The following UBE2W variants were observed in gnomAD, a reference collection of about 807,000 sequenced individuals.
UBE2W encodes the protein ubiquitin conjugating enzyme E2 W.
In UBE2W, 18 loss-of-function variants were observed where a neutral mutation model predicts 27.2. That is an observed-to-expected ratio of 0.66 (90% CI 0.46 to 0.98). UBE2W has a LOEUF of 0.98. Ranked by LOEUF, UBE2W falls within the 50% of genes least tolerant of loss-of-function variation. The probability of loss-of-function intolerance (pLI) is 0.00; values close to 1 mark genes in which losing one functional copy is unlikely to be tolerated. For synonymous variants in UBE2W, 53 were observed against 57.2 expected, an observed-to-expected ratio of 0.93 and a Z score of 0.33; for missense variants, 90 against 180.2, an observed-to-expected ratio of 0.50 and a Z score of 2.87.
At chr8:73,855,964 T>G (rs1247773126) in intron 1 of UBE2W, among the ~76,000 whole-genome samples, 1 of 152,238 alleles carries the variant, frequency 6.6e-6, no homozygotes, top group Non-Finnish European at 1.5e-5. Context: ...TTCAATCATG[T>G]ATCTGTAATT....
intron 1 of UBE2W, among the ~76,000 whole-genome samples, chr8:73,869,806 G>T (rs1013370689): frequency 2.0e-5 from 3 of 152,214 alleles, no homozygotes; most frequent in African/African-American, 4.8e-5. Flanking sequence ...AGAGGTTGCA[G>T]TGAGCCTATT....
intron 1 of UBE2W, among the ~76,000 whole-genome samples, chr8:73,833,088 G>A (rs560872893): frequency 5.3e-5 from 8 of 150,666 alleles, no homozygotes; most frequent in South Asian, 4.2e-4. Context: ...AACAGGCAGA[G>A]GCAGAAGAAT....
chr8:73,813,240 A>C (rs1272944817), intron 3 of UBE2W, among the ~76,000 whole-genome samples: 1 of 152,150 alleles, frequency 6.6e-6, no homozygotes, highest in Non-Finnish European at 1.5e-5. Context: ...ATTTTTCCTA[A>C]AGAGAAATGG....
At chr8:73,821,867 A>C (rs2130893247) in intron 3 of UBE2W, among the ~76,000 whole-genome samples, 1 of 152,124 alleles carries the variant, frequency 6.6e-6, no homozygotes, top group Middle Eastern at 3.4e-3. Flanking sequence ...TGGGTGTGCC[A>C]TCAGATGGCC....
At chr8:73,841,257 A>G (rs1287820705) in intron 1 of UBE2W, among the ~76,000 whole-genome samples, 1 of 152,196 alleles carries the variant, frequency 6.6e-6, no homozygotes, top group Non-Finnish European at 1.5e-5. Context: ...TTCTCCTTTC[A>G]GAGGGAAATG....
rs773200222 is a variant in UBE2W at position 73,780,556 on chromosome 8, C to A, written c.430-39G>T. 76 of 447,884 alleles carry A rather than the reference C, an allele frequency of 1.7e-4. 1 individual carries two copies. Among genetic ancestry groups the A allele is most frequent in the South Asian group, 1.2e-3 (73 of 62,702 alleles). 27.7% of individuals were successfully genotyped at this position (447,884 alleles called of 1,614,324 possible). A position where few individuals can be genotyped will look rare whatever the true frequency, so the allele number is the denominator to read the frequency against. On this transcript the variant is annotated intron_variant, in intron 4 of 4. Coordinates refer to the UBE2W transcript ENST00000523278. ...TTATTTATTTATTTATTTTTTGAGA[C>A]AGTATGTCACTCTATCTCCAGGCTG...
intron 1 of UBE2W, among the ~76,000 whole-genome samples, chr8:73,865,737 C>T (rs901378949): frequency 1.3e-5 from 2 of 152,102 alleles, no homozygotes; most frequent in African/African-American, 2.4e-5. Flanking sequence ...ACCTATTACT[C>T]GATTTCCTTA....
intron 1 of UBE2W, among the ~76,000 whole-genome samples, chr8:73,839,083 T>C (rs892496276): frequency 1.3e-5 from 2 of 152,188 alleles, no homozygotes; most frequent in East Asian, 1.9e-4. Flanking sequence ...ATTCTTTCCT[T>C]GCTTTGTGCA....
rs1416071118 is a variant in UBE2W at position 73,791,354 on chromosome 8, G to C, written c.*2748C>G. The C allele has an allele frequency of 1.2e-5, 12 of 983,306 alleles. No individual in the cohort carries two copies. Among genetic ancestry groups the C allele is most frequent in the Non-Finnish European group, 1.4e-5 (12 of 829,406 alleles). The allele number at this position is 983,306 out of a possible 1,614,324, so 60.9% of individuals were successfully genotyped here. A position where few individuals can be genotyped will look rare whatever the true frequency, so the allele number is the denominator to read the frequency against. On this transcript the variant is annotated 3_prime_UTR_variant, in exon 6 of 6. Transcript: ENST00000602593. ...ATGTATCACTGTCTTAATAGAATTT[G>C]GCAAACCAGAAGAATGGCCTAAAAA...
At chr8:73,801,773 C>G (rs970160053) in intron 5 of UBE2W, among the ~76,000 whole-genome samples, 2 of 152,162 alleles carry the variant, frequency 1.3e-5, no homozygotes, top group African/African-American at 4.8e-5. Flanking sequence ...AGAATTAGGC[C>G]TGTTAATTAA....
At chr8:73,801,527 T>G (rs1293470698) in intron 5 of UBE2W, among the ~76,000 whole-genome samples, 1 of 152,226 alleles carries the variant, frequency 6.6e-6, no homozygotes, top group East Asian at 1.9e-4. Context: ...TGAGATTGAA[T>G]CTATCTGAAC....
In UBE2W at chr8:73,805,439, A is replaced by G. The variant is rs190580400; in HGVS notation, c.442+212T>C. Reference sequence around the variant, plus strand: ...ATTGCACTCCAGCCTGGGCAACAAGAGCAAAACTCCATCTCAAAAAAAAAA... The same window carrying G: ...ATTGCACTCCAGCCTGGGCAACAAGGGCAAAACTCCATCTCAAAAAAAAAA... On this transcript the variant is annotated intron_variant, in intron 5 of 5. Transcript: ENST00000602593. Among the ~76,000 whole-genome samples, 845 of 133,480 alleles carry G rather than the reference A, an allele frequency of 6.3e-3. 21 individuals are homozygous for G. The highest frequency in any genetic ancestry group is 0.023 in the African/African-American group (814 of 35,830). 87.6% of individuals were successfully genotyped at this position (133,480 alleles called of 152,430 possible).
chr8:73,823,126 G>T (rs967184708), intron 3 of UBE2W, among the ~76,000 whole-genome samples: 2 of 152,044 alleles, frequency 1.3e-5, no homozygotes, highest in Non-Finnish European at 2.9e-5. Flanking sequence ...AGTGAGAAGA[G>T]TAACACAGTG....
In UBE2W at chr8:73,867,016, A is replaced by C. The variant is rs1038750796; in HGVS notation, c.15+11792T>G. 9.2e-5 allele frequency among the ~76,000 whole-genome samples: 14 copies of C among 152,126 alleles called. 1 individual carries two copies. Among genetic ancestry groups the C allele is most frequent in the African/African-American group, 3.4e-4 (14 of 41,526 alleles). On this transcript the variant is annotated intron_variant, in intron 1 of 5. Transcript: ENST00000602593. ...GAGGCTCCGTCCCAAAAAAAAAAAAAAGAGGAAATTTTTGTGAATGTAATA... is the reference window on the plus strand; with the variant it reads ...GAGGCTCCGTCCCAAAAAAAAAAAACAGAGGAAATTTTTGTGAATGTAATA...
intron 3 of UBE2W, among the ~76,000 whole-genome samples, chr8:73,817,661 G>A (rs557289499): frequency 4.6e-5 from 7 of 152,190 alleles, no homozygotes; most frequent in African/African-American, 1.7e-4. Flanking sequence ...GGGACTACAG[G>A]TGCACACCAC....
rs568676573 is a variant in UBE2W at position 73,786,445 on chromosome 8, G to C, written c.*7657C>G. On this transcript the variant is annotated 3_prime_UTR_variant, in exon 6 of 6. Coordinates refer to ENST00000602593, the MANE Select transcript of UBE2W (RefSeq NM_018299.6). ...TATGTGCTACAGGTACTGTATACTA[G>C]GTACTGTGTGCTACGTGCTGGGGAC... 6.1e-6 allele frequency: 6 copies of C among 984,846 alleles called. No individual in the cohort carries two copies. The highest frequency in any genetic ancestry group is 7.2e-6 in the Non-Finnish European group (6 of 829,424). The allele number at this position is 984,846 out of a possible 1,614,324, so 61.0% of individuals were successfully genotyped here. A position where few individuals can be genotyped will look rare whatever the true frequency, so the allele number is the denominator to read the frequency against.
chr8:73,870,810 A>G (rs1165756627), intron 1 of UBE2W, among the ~76,000 whole-genome samples: 1 of 147,966 alleles, frequency 6.8e-6, no homozygotes. Flanking sequence ...ATATTTGAAC[A>G]AAGCTATGAG....
chr8:73,786,993 C>A lies in UBE2W; in HGVS notation c.*7109G>T. On this transcript the variant is annotated 3_prime_UTR_variant, in exon 6 of 6. Transcript: ENST00000602593. ...ATCTTGTCTAATGACATATATTCAC[C>A]CACATTAAGTCCCTGAAGGCCAGAT... 1 of 985,322 alleles carries A rather than the reference C, an allele frequency of 1.0e-6. No homozygotes were observed. The highest frequency in any genetic ancestry group is 1.2e-6 in the Non-Finnish European group (1 of 829,914). 61.0% of individuals were successfully genotyped at this position (985,322 alleles called of 1,614,324 possible). A position where few individuals can be genotyped will look rare whatever the true frequency, so the allele number is the denominator to read the frequency against.
intron 2 of UBE2W, among the ~76,000 whole-genome samples, chr8:73,827,529 C>T (rs935399039): frequency 6.6e-6 from 1 of 151,778 alleles, no homozygotes; most frequent in African/African-American, 2.4e-5. Context: ...ATGGTACTTT[C>T]TAATAATCCT....
Sources: gnomAD v4.1 joint callset for allele counts (sites outside exome capture counted in the v4.1 genomes callset) on GRCh38, gnomAD v4.1.1 for gene constraint, MANE v1.5 for transcripts, NCBI Gene and HGNC (gene_info 2026-07-23, HGNC 2026-07-21) for gene names.